PPARA: variants seen among roughly 807,000 people sequenced by gnomAD.
The protein encoded by PPARA is peroxisome proliferator-activated receptor alpha.
Under a neutral mutation model 42.2 loss-of-function variants are expected in PPARA, and 22 were observed. The observed-to-expected ratio is 0.52, with a 90% CI of 0.37 to 0.74. PPARA has a LOEUF of 0.74. PPARA is among the 30% of genes least tolerant of loss of function. The probability of loss-of-function intolerance (pLI) is 0.00; values close to 1 mark genes in which losing one functional copy is unlikely to be tolerated. For synonymous variants in PPARA, 242 were observed against 239.3 expected, an observed-to-expected ratio of 1.01 and a Z score of -0.10; for missense variants, 465 against 608.2, an observed-to-expected ratio of 0.76 and a Z score of 2.48.
intron 2 of PPARA, chr22:46,155,307 C>T (rs1925135007): frequency 6.6e-6 from 1 of 151,974 alleles, no homozygotes; most frequent in Admixed American, 6.6e-5. Flanking sequence ...GCATAGAGTC[C>T]ATTTTTCTTT....
At position 46,210,202 on chromosome 22, in the gene PPARA, G is replaced by T. The variant is rs559824959; in HGVS notation, c.209-4971G>T. Reference sequence around the variant, plus strand: ...CACATGCCTGTAATCCCAGCTACTTGGGAGGCTGAGGCAGGAGAATTGCTT... The same window carrying T: ...CACATGCCTGTAATCCCAGCTACTTTGGAGGCTGAGGCAGGAGAATTGCTT... On this transcript the variant is annotated intron_variant, in intron 4 of 8. Coordinates refer to ENST00000407236, the MANE Select transcript of PPARA (RefSeq NM_005036.6). Among the ~76,000 whole-genome samples the T allele has an allele frequency of 1.5e-4, 23 of 151,516 alleles. No homozygotes were observed. The South Asian group carries it at 4.8e-3, about 32-fold the overall frequency.
At chr22:46,172,778 C>A (rs891333504) in intron 2 of PPARA, among the ~76,000 whole-genome samples, 3 of 152,206 alleles carry the variant, frequency 2.0e-5, no homozygotes, top group Non-Finnish European at 4.4e-5. Context: ...CAGATAGAGC[C>A]TCCAGCTGGC....
intron 5 of PPARA, among the ~76,000 whole-genome samples, chr22:46,217,826 T>C (rs1053443912): frequency 4.2e-4 from 36 of 86,340 alleles, no homozygotes; most frequent in African/African-American, 1.2e-3. Flanking sequence ...TTTCTTTTTT[T>C]TTTTTTTTTT....
chr22:46,173,274 G>A lies in PPARA; in HGVS notation c.-126-3479G>A, dbSNP rs4253655. Among the ~76,000 whole-genome samples, 17,095 of 152,224 alleles carry A rather than the reference G, an allele frequency of 0.11. 1,263 individuals are homozygous for A. The highest frequency in any genetic ancestry group is 0.2 in the Middle Eastern group (58 of 294). On this transcript the variant is annotated intron_variant, in intron 2 of 8. Transcript: ENST00000407236. This position sits in a 1 kb window ranked among gnomAD's most constrained non-coding sequence, Gnocchi z 4.3. ...TTTCTTTTATTTGTTGTGTTGAATA[G>A]GAATGTAGCTCTGGGAACCTCTAGT...
chr22:46,180,569 TAAGGCATGTCAC>T lies in PPARA; in HGVS notation c.-43+3737_-43+3748del. Among the ~76,000 whole-genome samples, 1 of 152,218 alleles carries T rather than the reference TAAGGCATGTCAC, an allele frequency of 6.6e-6. No individual in the cohort carries two copies. The highest frequency in any genetic ancestry group is 1.9e-4 in the East Asian group (1 of 5,202). On this transcript the variant is annotated intron_variant, in intron 3 of 8. Transcript: ENST00000407236. The surrounding 1 kb of genome is among the most constrained non-coding windows in gnomAD (Gnocchi z 4.2). ...TGCAAAACATGTTTTTCTTAAGATGTAAGGCATGTCACAAGAATATCACAAGATGATAACGGC... is the reference window on the plus strand; with the variant it reads ...TGCAAAACATGTTTTTCTTAAGATGTAAGAATATCACAAGATGATAACGGC...
In PPARA at chr22:46,220,161, C is replaced by T. The variant is rs4253756; in HGVS notation, c.711+147C>T. 3,066 of 934,684 alleles carry T rather than the reference C, an allele frequency of 3.3e-3. 53 individuals are homozygous for T. In the African/African-American group the frequency reaches 0.044, roughly 14 times the overall value. The allele number at this position is 934,684 out of a possible 1,614,324, so 57.9% of individuals were successfully genotyped here. On this transcript the variant is annotated intron_variant, in intron 7 of 8. Coordinates refer to ENST00000407236, the MANE Select transcript of PPARA (RefSeq NM_005036.6). ...ACAGCGAAGATGGAAACAGTTCATT[C>T]TGAGACTCTGAGCTGTAGCTTAACA...
intron 4 of PPARA, among the ~76,000 whole-genome samples, chr22:46,201,705 G>T (rs1330343466): frequency 6.6e-6 from 1 of 152,138 alleles, no homozygotes; most frequent in Non-Finnish European, 1.5e-5. Context: ...TTTAAGGAAG[G>T]AGGAAAGGAG....
Position 46,193,115 on chromosome 22 carries a change from G to A in PPARA, c.-42-5227G>A, listed in dbSNP as rs1051769866. On this transcript the variant is annotated intron_variant, in intron 3 of 8. Transcript: ENST00000407236. The surrounding 1 kb of genome is among the most constrained non-coding windows in gnomAD (Gnocchi z 5.3). ...AGAGTCTCACTCTGTCACCCAGGCTGGAGTGCAGTGGCATGATCTCGGCTC... is the reference window on the plus strand; with the variant it reads ...AGAGTCTCACTCTGTCACCCAGGCTAGAGTGCAGTGGCATGATCTCGGCTC... 2.6e-5 allele frequency among the ~76,000 whole-genome samples: 4 copies of A among 152,210 alleles called. No individual in the cohort carries two copies. Among genetic ancestry groups the A allele is most frequent in the Non-Finnish European group, 5.9e-5 (4 of 68,024 alleles).
rs1936411726 is a variant in PPARA at position 46,242,774 on chromosome 22, T to G, written c.*7394T>G. 1.3e-5 allele frequency: 2 copies of G among 151,918 alleles called. No individual in the cohort carries two copies. The highest frequency in any genetic ancestry group is 1.3e-4 in the Admixed American group (2 of 15,244). The allele number at this position is 151,918 out of a possible 1,614,324, so 9.4% of individuals were successfully genotyped here. A position where few individuals can be genotyped will look rare whatever the true frequency, so the allele number is the denominator to read the frequency against. ...ACACACACACACAGCTCTTCATTTC[T>G]CCTGAGCCATGCAGAATTTACTTTC... On this transcript the variant is annotated 3_prime_UTR_variant, in exon 9 of 9. Coordinates refer to ENST00000407236, the MANE Select transcript of PPARA (RefSeq NM_005036.6). The surrounding 1 kb of genome is among the most constrained non-coding windows in gnomAD (Gnocchi z 6.1).
In PPARA at chr22:46,204,443, A is replaced by G. The variant is rs1042537381; in HGVS notation, c.208+5852A>G. 6.6e-6 allele frequency among the ~76,000 whole-genome samples: 1 copy of G among 152,218 alleles called. No homozygotes were observed. The highest frequency in any genetic ancestry group is 1.5e-5 in the Non-Finnish European group (1 of 68,038). On this transcript the variant is annotated intron_variant, in intron 4 of 8. Coordinates refer to ENST00000407236, the MANE Select transcript of PPARA (RefSeq NM_005036.6). This position sits in a 1 kb window ranked among gnomAD's most constrained non-coding sequence, Gnocchi z 5.2. ...CCAAAATCTTTTCCAGCATTTCAGAAAAATCTTAGAAAATGCTATACTATG... is the reference window on the plus strand; with the variant it reads ...CCAAAATCTTTTCCAGCATTTCAGAGAAATCTTAGAAAATGCTATACTATG...
At position 46,227,711 on chromosome 22, in the gene PPARA, G is replaced by C. The variant is rs1356149029; in HGVS notation, c.712-4081G>C. Among the ~76,000 whole-genome samples the C allele has an allele frequency of 2.0e-5, 3 of 152,180 alleles. No individual in the cohort carries two copies. Among genetic ancestry groups the C allele is most frequent in the African/African-American group, 2.4e-5 (1 of 41,456 alleles). ...GCATGGAGTGATTGGGGAAAATCTA[G>C]GCAGCTTCCTGCCTCACGCTGTTTA... is the stretch of plus-strand genomic sequence containing the variant. On this transcript the variant is annotated intron_variant, in intron 7 of 8. Transcript: ENST00000407236. The surrounding 1 kb of genome is among the most constrained non-coding windows in gnomAD (Gnocchi z 4.3).
rs1555955067 is a variant in PPARA, at chr22:46,216,396, A to AAAAG, written c.369+1064_369+1065insAAGA. Among the ~76,000 whole-genome samples the AAAAG allele has an allele frequency of 2.0e-5, 3 of 151,692 alleles. No individual in the cohort carries two copies. The highest frequency in any genetic ancestry group is 7.3e-5 in the African/African-American group (3 of 41,196). ...AAAACTTCATCTCAAAAAAAAAAAAAAGAGAGAAAAGAAAATAAGCCACAT... is the reference window on the plus strand; with the variant it reads ...AAAACTTCATCTCAAAAAAAAAAAAAAAAGAGAGAGAAAAGAAAATAAGCCACAT... On this transcript the variant is annotated intron_variant, in intron 5 of 8. Transcript: ENST00000407236. The surrounding 1 kb of genome is among the most constrained non-coding windows in gnomAD (Gnocchi z 4.5).
At chr22:46,215,102 C>G in intron 4 of PPARA, 71 bp from the exon 5 acceptor site, 1 of 1,571,100 alleles carries the variant, frequency 6.4e-7, no homozygotes, top group Non-Finnish European at 8.7e-7. Context: ...AAATCACATC[C>G]TCATAGACCC....
At chr22:46,198,658 CTTT>C (rs777398787) in intron 4 of PPARA, 67 bp downstream of exon 4, 7,652 of 829,860 alleles carry the variant, frequency 9.2e-3, no homozygotes, top group East Asian at 0.013. Flanking sequence ...ACTGTTCTCT[CTTT>C]TTTTTTTTTT....
Position 46,188,320 on chromosome 22 carries a change from G to A in PPARA, c.-42-10022G>A, listed in dbSNP as rs1931083132. On this transcript the variant is annotated intron_variant, in intron 3 of 8. Coordinates refer to ENST00000407236, the MANE Select transcript of PPARA (RefSeq NM_005036.6). This position sits in a 1 kb window ranked among gnomAD's most constrained non-coding sequence, Gnocchi z 5.0. ...TCAACCACTTATTCAATGATGTTTT[G>A]GGCCATATATGCAGATATGCTGTTC... is the stretch of plus-strand genomic sequence containing the variant. Among the ~76,000 whole-genome samples, 1 of 152,144 alleles carries A rather than the reference G, an allele frequency of 6.6e-6. No homozygotes were observed. Among genetic ancestry groups the A allele is most frequent in the South Asian group, 2.1e-4 (1 of 4,822 alleles).
intron 3 of PPARA, among the ~76,000 whole-genome samples, chr22:46,194,534 A>G (rs1008711476): frequency 1.3e-5 from 2 of 150,798 alleles, no homozygotes; most frequent in Admixed American, 6.6e-5. Flanking sequence ...CAGCCCATCC[A>G]TCACACAGTC....
intron 4 of PPARA, among the ~76,000 whole-genome samples, chr22:46,210,848 A>C (rs1192586957): frequency 1.3e-5 from 2 of 152,324 alleles, no homozygotes; most frequent in Admixed American, 6.5e-5. Flanking sequence ...CAATTAAGTT[A>C]CTTGGAAAAT....
Position 46,167,488 on chromosome 22 carries a change from C to CA in PPARA, c.-126-9258dup, listed in dbSNP as rs4253641. 6.4e-3 allele frequency among the ~76,000 whole-genome samples: 965 copies of CA among 151,602 alleles called. 7 individuals carry two copies. The highest frequency in any genetic ancestry group is 0.02 in the African/African-American group (831 of 41,340). The stretch of plus-strand genomic sequence containing the variant: ...GCAACATAGCGAAACACCGTCTCTA[C>CA]AAAAAAATGAAAAAATTAGTTGAGC... On this transcript the variant is annotated intron_variant, in intron 2 of 8. Transcript: ENST00000407236. The surrounding 1 kb of genome is among the most constrained non-coding windows in gnomAD (Gnocchi z 4.1).
chr22:46,153,310 C>T (rs1312286599), intron 2 of PPARA, among the ~76,000 whole-genome samples: 3 of 151,610 alleles, frequency 2.0e-5, no homozygotes, highest in Non-Finnish European at 4.4e-5. Flanking sequence ...GCTGGGATTA[C>T]AGGCACTCAC....
Sources: allele counts gnomAD v4.1 joint callset (sites outside exome capture counted in the v4.1 genomes callset), GRCh38; gene constraint gnomAD v4.1.1; non-coding constraint Gnocchi (gnomAD v3.1); transcripts MANE v1.5; gene names NCBI Gene and HGNC (gene_info 2026-07-23, HGNC 2026-07-21).